NPAS3: variants seen among roughly 807,000 people sequenced by gnomAD.
The protein encoded by NPAS3 is neuronal PAS domain protein 3.
NPAS3 carries 14 observed loss-of-function variants against 73.1 expected under a neutral mutation model. The observed-to-expected ratio is 0.19, with a 90% confidence interval of 0.13 to 0.30. The LOEUF is 0.30. NPAS3 is among the 10% of genes least tolerant of loss of function. NPAS3 has a pLI of 1.00. For synonymous variants in NPAS3, 620 were observed against 541.5 expected (o/e 1.14, Z -2.01); for missense variants, 1,096 against 1,250.0 (o/e 0.88, Z 1.86).
intron 2 of NPAS3, among the ~76,000 whole-genome samples, chr14:33,213,045 G>A (rs1453455620): frequency 6.6e-6 from 1 of 152,192 alleles, no homozygotes; most frequent in Admixed American, 6.5e-5. Context: ...TCCTCTAGAA[G>A]TGGTGACACC....
chr14:33,085,833 G>A (rs898998204), intron 2 of NPAS3, among the ~76,000 whole-genome samples: 3 of 152,114 alleles, frequency 2.0e-5, no homozygotes, highest in African/African-American at 4.8e-5. Context: ...ACGATTGAAA[G>A]TATTATAGTT....
At chr14:33,432,664 T>C (rs531777738) in intron 4 of NPAS3, among the ~76,000 whole-genome samples, 10 of 152,312 alleles carry the variant, frequency 6.6e-5, no homozygotes, top group African/African-American at 1.7e-4. Flanking sequence ...ATTTATAGGC[T>C]ATAGTTAATA....
chr14:33,273,047 G>T (rs545043973), intron 3 of NPAS3, among the ~76,000 whole-genome samples: 243 of 152,208 alleles, frequency 1.6e-3, no homozygotes, highest in African/African-American at 5.6e-3. Flanking sequence ...GGATCTTTCT[G>T]CAGTCCTGGT....
chr14:33,318,345 C>A (rs753629904), intron 3 of NPAS3, among the ~76,000 whole-genome samples: 1 of 151,872 alleles, frequency 6.6e-6, no homozygotes, highest in Non-Finnish European at 1.5e-5. Flanking sequence ...CTGAGGGTAG[C>A]GAGGAATGGG....
At chr14:33,161,396 G>C (rs1209305858) in intron 2 of NPAS3, among the ~76,000 whole-genome samples, 1 of 152,126 alleles carries the variant, frequency 6.6e-6, no homozygotes, top group East Asian at 1.9e-4. Flanking sequence ...TAATTAACTT[G>C]CCCAGCTTTA....
chr14:33,023,976 A>G (rs1057035113), intron 1 of NPAS3, among the ~76,000 whole-genome samples: 1 of 152,126 alleles, frequency 6.6e-6, no homozygotes, highest in Non-Finnish European at 1.5e-5. Context: ...TGGCCCTTAG[A>G]TGTTCATAGT....
chr14:33,543,991 A>C (rs1330251688), intron 4 of NPAS3, among the ~76,000 whole-genome samples: 48 of 38,056 alleles, frequency 1.3e-3, no homozygotes, highest in South Asian at 4.8e-3. Flanking sequence ...ATATATATAT[A>C]TATATATATA....
chr14:32,993,077 G>A (rs1869546536), intron 1 of NPAS3, among the ~76,000 whole-genome samples: 1 of 151,538 alleles, frequency 6.6e-6, no homozygotes, highest in African/African-American at 2.4e-5. Context: ...TTGAACCCGG[G>A]CAGTGGAGGT....
At chr14:33,792,121 T>C (rs1367783169) in intron 9 of NPAS3, among the ~76,000 whole-genome samples, 1 of 152,178 alleles carries the variant, frequency 6.6e-6, no homozygotes, top group Non-Finnish European at 1.5e-5. Flanking sequence ...AGTTAGTATT[T>C]TACTGCTTTC....
chr14:33,564,863 C>T (rs184665727), intron 5 of NPAS3, among the ~76,000 whole-genome samples: 10 of 152,286 alleles, frequency 6.6e-5, no homozygotes, highest in Admixed American at 2.0e-4. Flanking sequence ...GAAATTTACA[C>T]ATTTGTATGG....
At chr14:33,307,887 T>C (rs1251212907) in intron 3 of NPAS3, among the ~76,000 whole-genome samples, 1 of 152,144 alleles carries the variant, frequency 6.6e-6, no homozygotes, top group Non-Finnish European at 1.5e-5. Context: ...GGGTGAGTCA[T>C]TACGTTGTTT....
At chr14:33,496,726 A>G (rs973623352) in intron 4 of NPAS3, among the ~76,000 whole-genome samples, 1 of 152,176 alleles carries the variant, frequency 6.6e-6, no homozygotes, top group Admixed American at 6.5e-5. Flanking sequence ...ATTGATGACA[A>G]ACTGACAGCC....
chr14:33,351,652 A>G (rs2045061432), intron 3 of NPAS3, among the ~76,000 whole-genome samples: 1 of 152,272 alleles, frequency 6.6e-6, no homozygotes, highest in Admixed American at 6.5e-5. Flanking sequence ...CTCTCACAAA[A>G]GATCATTACA....
intron 3 of NPAS3, chr14:33,215,628 G>A (rs1008114715): frequency 1.4e-6 from 1 of 721,900 alleles, no homozygotes; most frequent in African/African-American, 1.8e-5. Context: ...TTTTCAAAAA[G>A]TCTATCAGCC....
At chr14:33,566,311 G>A (rs2055933150) in intron 5 of NPAS3, among the ~76,000 whole-genome samples, 2 of 151,918 alleles carry the variant, frequency 1.3e-5, no homozygotes, top group Non-Finnish European at 2.9e-5. Context: ...AATCCCACGG[G>A]TGACCTTATC....
At chr14:33,237,336 A>G (rs1175945498) in intron 3 of NPAS3, among the ~76,000 whole-genome samples, 1 of 152,042 alleles carries the variant, frequency 6.6e-6, no homozygotes, top group African/African-American at 2.4e-5. Context: ...TTTTCTTGGC[A>G]CTTCAGTGGG....
chr14:33,073,480 G>A (rs370172325), intron 2 of NPAS3, among the ~76,000 whole-genome samples: 3 of 152,284 alleles, frequency 2.0e-5, no homozygotes, highest in African/African-American at 7.2e-5. Flanking sequence ...GATGGGACAG[G>A]TGAAGTGCCT....
At chr14:33,176,841 G>T (rs1054750932) in intron 2 of NPAS3, among the ~76,000 whole-genome samples, 1 of 152,068 alleles carries the variant, frequency 6.6e-6, no homozygotes, top group African/African-American at 2.4e-5. Context: ...TACCAGCAAT[G>T]TATGGGGGTT....
chr14:33,297,925 G>A (rs1044352958), intron 3 of NPAS3, among the ~76,000 whole-genome samples: 6 of 152,160 alleles, frequency 3.9e-5, no homozygotes, highest in Non-Finnish European at 5.9e-5. Context: ...GACTGGCTTT[G>A]TAAAGGTGCA....
Sources: allele counts gnomAD v4.1 joint callset (sites outside exome capture counted in the v4.1 genomes callset), GRCh38; gene constraint gnomAD v4.1.1; transcripts MANE v1.5; gene names NCBI Gene and HGNC (gene_info 2026-07-23, HGNC 2026-07-21).